Variants in RNF169 observed in about 807,000 individuals in gnomAD.
RNF169 encodes the protein E3 ubiquitin-protein ligase RNF169.
A neutral mutation model predicts 53.9 loss-of-function variants in RNF169; 24 were observed. The observed-to-expected ratio is 0.45, with a 90% CI of 0.32 to 0.63. The LOEUF (loss-of-function observed/expected upper bound fraction) is 0.63, where lower values mean the gene tolerates loss of function less well. Ranked by LOEUF, RNF169 falls within the 20% of genes least tolerant of loss-of-function variation. The pLI, the probability that RNF169 is intolerant of heterozygous loss-of-function variation, is 0.04. For missense variants in RNF169, 883 were observed against 906.2 expected (o/e 0.97, Z 0.33); for synonymous variants, 396 against 363.5 (o/e 1.09, Z -1.02).
intron 4 of RNF169, 38 bp downstream of exon 4, chr11:74,817,752 G>GT (rs770710438): frequency 8.3e-6 from 11 of 1,331,518 alleles, no homozygotes; most frequent in Admixed American, 1.7e-5. Context: ...GGGGTCTTTG[G>GT]TTTTGGGGTA....
At chr11:74,801,696 C>T (rs571417013) in intron 2 of RNF169, among the ~76,000 whole-genome samples, 4 of 152,324 alleles carry the variant, frequency 2.6e-5, no homozygotes, top group South Asian at 2.1e-4. Context: ...CCTATAATCC[C>T]GGCTACTCGG....
intron 4 of RNF169, among the ~76,000 whole-genome samples, chr11:74,819,634 G>A (rs1179161568): frequency 3.3e-5 from 5 of 152,194 alleles, no homozygotes; most frequent in Admixed American, 3.3e-4. Context: ...TGTCAAACAT[G>A]CAGCAGAGGG....
chr11:74,784,052 T>G (rs2135070337), intron 1 of RNF169, among the ~76,000 whole-genome samples: 1 of 152,286 alleles, frequency 6.6e-6, no homozygotes, highest in Non-Finnish European at 1.5e-5. Context: ...TCCAGGTAGA[T>G]TGAAACACCA....
intron 3 of RNF169, among the ~76,000 whole-genome samples, chr11:74,815,321 C>T (rs930732351): frequency 6.6e-5 from 10 of 151,974 alleles, no homozygotes; most frequent in African/African-American, 1.2e-4. Flanking sequence ...TTTGGGAGGC[C>T]GAGGCGGGCA....
chr11:74,766,807 G>GTT (rs2035180951), intron 1 of RNF169, among the ~76,000 whole-genome samples: 1 of 152,170 alleles, frequency 6.6e-6, no homozygotes. Flanking sequence ...GGCACAGATG[G>GTT]TTTTATGGGT....
rs536559294 is a variant in RNF169 at position 74,825,880 on chromosome 11, A to G, written c.842+8166A>G. Among the ~76,000 whole-genome samples the G allele has an allele frequency of 5.3e-5, 8 of 152,292 alleles. No homozygotes were observed. The South Asian group carries it at 1.7e-3, about 32-fold the overall frequency. ...AACGGCCCGAGACTAGGTAATTTAT[A>G]AAGAAAAGAAGTTTAATTGACTCAG... On this transcript the variant is annotated intron_variant, in intron 4 of 5. Transcript: ENST00000299563.
intron 2 of RNF169, among the ~76,000 whole-genome samples, chr11:74,800,708 A>T (rs575887286): frequency 4.7e-4 from 72 of 152,212 alleles, no homozygotes; most frequent in Non-Finnish European, 8.8e-4. Flanking sequence ...TCAAAAAGTC[A>T]TAGTTGGAGG....
intron 3 of RNF169, among the ~76,000 whole-genome samples, chr11:74,815,412 C>T (rs1033392133): frequency 2.6e-5 from 4 of 151,844 alleles, no homozygotes; most frequent in African/African-American, 7.3e-5. Context: ...AAAAATTAGC[C>T]GGGTGTGATG....
chr11:74,766,169 G>A (rs529186), intron 1 of RNF169, among the ~76,000 whole-genome samples: 52,269 of 152,050 alleles, frequency 0.34, 11,010 homozygotes, highest in African/African-American at 0.6. Flanking sequence ...GTGGAAAAGT[G>A]TAACATGGCA....
rs753388514 is a variant in RNF169, at chr11:74,810,297, T to C, written c.690T>C (p.Asp230=). 1 of 1,613,630 alleles carries C rather than the reference T, an allele frequency of 6.2e-7. No individual in the cohort carries two copies. The highest frequency in any genetic ancestry group is 8.5e-7 in the Non-Finnish European group (1 of 1,179,858). ...AAATGGATGAACAGAAAAAAAGAGA[T>C]GAACCATTAGTACTGAAAACAAATC... ...KRKMDEQKKR[D]EPLVLKTNLE... The change falls in exon 3 of 6, where the codon GAT becomes GAC. Residue 230 remains aspartate, a synonymous_variant. Coordinates refer to ENST00000299563, the MANE Select transcript of RNF169 (RefSeq NM_001098638.2).
At chr11:74,799,963 A>T (rs771827286) in intron 2 of RNF169, among the ~76,000 whole-genome samples, 13 of 150,588 alleles carry the variant, frequency 8.6e-5, no homozygotes, top group Non-Finnish European at 1.8e-4. Context: ...GCCCTTTTAA[A>T]ATTTAGCATC....
intron 1 of RNF169, among the ~76,000 whole-genome samples, chr11:74,762,464 A>T (rs1194194121): frequency 6.6e-6 from 1 of 152,066 alleles, no homozygotes; most frequent in African/African-American, 2.4e-5. Context: ...GATGATGGTG[A>T]TGTACAGATG....
chr11:74,758,747 G>T (rs879872917), intron 1 of RNF169, among the ~76,000 whole-genome samples: 1 of 152,024 alleles, frequency 6.6e-6, no homozygotes, highest in Non-Finnish European at 1.5e-5. Context: ...CTCGTGATCC[G>T]CCCACCTTGG....
intron 2 of RNF169, among the ~76,000 whole-genome samples, chr11:74,792,692 T>A (rs1451877533): frequency 6.6e-6 from 1 of 152,152 alleles, no homozygotes; most frequent in Admixed American, 6.5e-5. Context: ...TGAGCCACCA[T>A]GCCTGGCAAG....
At chr11:74,787,788 T>G (rs2035524959) in intron 1 of RNF169, among the ~76,000 whole-genome samples, 1 of 152,224 alleles carries the variant, frequency 6.6e-6, no homozygotes, top group Non-Finnish European at 1.5e-5. Context: ...GGGGTTCTGA[T>G]TCTAGCAATT....
chr11:74,754,545 G>T (rs2034950121), intron 1 of RNF169, among the ~76,000 whole-genome samples: 1 of 152,176 alleles, frequency 6.6e-6, no homozygotes, highest in Non-Finnish European at 1.5e-5. Flanking sequence ...GATAGGCCAG[G>T]CGCGGTGGCT....
chr11:74,818,417 G>C (rs1372208764), intron 4 of RNF169, among the ~76,000 whole-genome samples: 2 of 151,794 alleles, frequency 1.3e-5, no homozygotes, highest in Non-Finnish European at 2.9e-5. Context: ...TTTTTAGACA[G>C]TGTCTCACTC....
chr11:74,750,223 A>G (rs2034865675), intron 1 of RNF169, among the ~76,000 whole-genome samples: 1 of 152,220 alleles, frequency 6.6e-6, no homozygotes, highest in African/African-American at 2.4e-5. Flanking sequence ...TGCCCTGTAT[A>G]AAATAAGACT....
chr11:74,769,607 T>C (rs1293594309), intron 1 of RNF169, among the ~76,000 whole-genome samples: 1 of 152,210 alleles, frequency 6.6e-6, no homozygotes, highest in Non-Finnish European at 1.5e-5. Flanking sequence ...AATTAGTTTC[T>C]ACAGCTGTTA....
Sources: allele counts gnomAD v4.1 joint callset (sites outside exome capture counted in the v4.1 genomes callset), GRCh38; gene constraint gnomAD v4.1.1; transcripts MANE v1.5; gene names NCBI Gene and HGNC (gene_info 2026-07-23, HGNC 2026-07-21).